KY: variants seen among roughly 807,000 people sequenced by gnomAD.
KY encodes kyphoscoliosis peptidase.
KY carries 43 observed loss-of-function variants against 76.1 expected under a neutral mutation model. The observed-to-expected ratio is 0.57, with a 90% CI of 0.44 to 0.73. The LOEUF is 0.73. Ranked by LOEUF, KY falls within the 30% of genes least tolerant of loss-of-function variation. The pLI is 0.00. For synonymous variants in KY, 277 were observed against 326.2 expected, an observed-to-expected ratio of 0.85 and a Z score of 1.63; for missense variants, 722 against 828.9, an observed-to-expected ratio of 0.87 and a Z score of 1.58.
At chr3:134,646,809 C>T (rs1160304961) in intron 2 of KY, among the ~76,000 whole-genome samples, 5 of 152,126 alleles carry the variant, frequency 3.3e-5, no homozygotes, top group Non-Finnish European at 7.3e-5. Flanking sequence ...CCTTCACGTG[C>T]CCACTGTGCA....
chr3:134,609,307 AT>A (rs893476106), intron 9 of KY, among the ~76,000 whole-genome samples: 1 of 151,948 alleles, frequency 6.6e-6, no homozygotes, highest in African/African-American at 2.4e-5. Context: ...GCCTCTCTGG[AT>A]GTCAGTAATG....
chr3:134,610,351 C>T lies in KY; in HGVS notation c.743G>A (p.Gly248Asp), dbSNP rs375909580. The change falls in exon 9 of 11, where the codon GGC becomes GAC. Residue 248 changes from glycine (G) to aspartate (D), a missense_variant. Transcript: ENST00000423778. ...CTGGTAGCCGAAACCCTTGGAGTAG[C>T]CAGGCACGGTCATACACTGCACTCC... ...LAGVQCMTVP[G>D]YSKGFGYQTG... is the part of the protein sequence containing the mutation. The T allele has an allele frequency of 6.8e-6, 11 of 1,613,502 alleles. No homozygotes were observed. In the African/African-American group the frequency reaches 1.5e-4, roughly 22 times the overall value.
rs184861296 is a variant in KY at position 134,607,626 on chromosome 3, G to A, written c.1090+1023C>T. The A allele has an allele frequency of 2.7e-5, 27 of 985,718 alleles. No homozygotes were observed. The East Asian group carries it at 2.8e-3, about 103-fold the overall frequency. 61.1% of individuals were successfully genotyped at this position (985,718 alleles called of 1,614,324 possible). A position where few individuals can be genotyped will look rare whatever the true frequency, so the allele number is the denominator to read the frequency against. Reference sequence around the variant, plus strand: ...GTGCCAAGGCCTTGGAGAGGCATAAGAGACAATCTTCCAGAGAAGGCCCTG... The same window carrying A: ...GTGCCAAGGCCTTGGAGAGGCATAAAAGACAATCTTCCAGAGAAGGCCCTG... On this transcript the variant is annotated intron_variant, in intron 10 of 10. Transcript: ENST00000423778.
rs962546335 is a variant in KY at position 134,618,797 on chromosome 3, T to A, written c.710+351A>T. On this transcript the variant is annotated intron_variant, in intron 8 of 10. Coordinates refer to ENST00000423778, the MANE Select transcript of KY (RefSeq NM_178554.6). ...CAGCCCTGAGGACAGCCTTTCACAGTCCCCTTGGCATCTGCAGTCACTGTC... is the reference window on the plus strand; with the variant it reads ...CAGCCCTGAGGACAGCCTTTCACAGACCCCTTGGCATCTGCAGTCACTGTC... 2.0e-5 allele frequency among the ~76,000 whole-genome samples: 3 copies of A among 152,266 alleles called. No homozygotes were observed. In the South Asian group the frequency reaches 6.2e-4, roughly 32 times the overall value.
chr3:134,611,897 G>C (rs959093650), intron 8 of KY, among the ~76,000 whole-genome samples: 3 of 152,198 alleles, frequency 2.0e-5, no homozygotes, highest in Non-Finnish European at 4.4e-5. Context: ...AAATGAACAT[G>C]TAATTTAAAA....
At chr3:134,638,841 T>C (rs1307477993) in intron 3 of KY, among the ~76,000 whole-genome samples, 1 of 152,236 alleles carries the variant, frequency 6.6e-6, no homozygotes, top group Non-Finnish European at 1.5e-5. Flanking sequence ...ACAGGTTTCA[T>C]GTTTTTCATT....
intron 10 of KY, chr3:134,608,213 T>C: frequency 8.4e-7 from 1 of 1,185,054 alleles, no homozygotes; most frequent in South Asian, 1.6e-5. Context: ...GGCCAGTAGC[T>C]TCTGTTGGGG....
chr3:134,630,070 G>T (rs1964016180), intron 3 of KY, among the ~76,000 whole-genome samples: 1 of 152,206 alleles, frequency 6.6e-6, no homozygotes, highest in South Asian at 2.1e-4. Context: ...TTCCCCTCTG[G>T]TATCATCTAG....
rs753230712 is a variant in KY, at chr3:134,650,836, T to A, written c.125A>T (p.Gln42Leu). 2 of 1,602,314 alleles carry A rather than the reference T, an allele frequency of 1.2e-6. No homozygotes were observed. The highest frequency in any genetic ancestry group is 2.2e-5 in the South Asian group (2 of 90,376). ...CGGGCGCGCGTTACCTCCTCCGCGCTGCAGCAGCGAGCTCGGGTTCGCCTG... is the reference window on the plus strand; with the variant it reads ...CGGGCGCGCGTTACCTCCTCCGCGCAGCAGCAGCGAGCTCGGGTTCGCCTG... ...DQQANPSSLL[Q>L]RGGGFQGVGN... is the part of the protein sequence containing the mutation. Residue 42 changes from glutamine to leucine, a missense_variant, in exon 1 of 11, where the codon CAG (glutamine) becomes CTG (leucine). Coordinates refer to ENST00000423778, the MANE Select transcript of KY (RefSeq NM_178554.6).
chr3:134,619,071 G>A (rs1962108105), intron 8 of KY, 77 bp downstream of exon 8: 6 of 1,237,070 alleles, frequency 4.9e-6, no homozygotes, highest in Non-Finnish European at 5.9e-6. Context: ...CTGGCATGTG[G>A]GCAAAGGCAC....
chr3:134,614,783 A>G (rs1961206601), intron 8 of KY, among the ~76,000 whole-genome samples: 1 of 152,298 alleles, frequency 6.6e-6, no homozygotes, highest in African/African-American at 2.4e-5. Flanking sequence ...TGATGCTCCT[A>G]CAGTCAGTAC....
At chr3:134,610,078 G>A in intron 9 of KY, 117 bp downstream of exon 9, 2 of 1,102,826 alleles carry the variant, frequency 1.8e-6, no homozygotes, top group Non-Finnish European at 2.6e-6. Context: ...TGGGCATGGG[G>A]CCTCCTGGCT....
At chr3:134,611,387 A>C in intron 8 of KY, among the ~76,000 whole-genome samples, 1 of 152,180 alleles carries the variant, frequency 6.6e-6, no homozygotes, top group East Asian at 1.9e-4. Context: ...GTGTCCTTTC[A>C]TGGCCAGCTG....
chr3:134,645,460 C>T (rs1238104040), intron 2 of KY, among the ~76,000 whole-genome samples: 1 of 152,154 alleles, frequency 6.6e-6, no homozygotes, highest in Non-Finnish European at 1.5e-5. Context: ...CAGGGCTGGG[C>T]GGCCTGCTGG....
chr3:134,615,855 TCTGACTGCACACA>T (rs1459095986), intron 8 of KY, among the ~76,000 whole-genome samples: 1 of 152,198 alleles, frequency 6.6e-6, no homozygotes, highest in Non-Finnish European at 1.5e-5. Context: ...GAAGCAGCCA[TCTGACTGCACACA>T]CTCCTGCCCC....
intron 3 of KY, among the ~76,000 whole-genome samples, chr3:134,639,068 G>C (rs1236460860): frequency 7.6e-6 from 1 of 132,132 alleles, no homozygotes; most frequent in Non-Finnish European, 1.6e-5. Context: ...TTCTACTTTG[G>C]AGTTTTTTTT....
chr3:134,625,300 G>A (rs1372455326), intron 5 of KY, among the ~76,000 whole-genome samples, 165 bp from the exon 6 acceptor site: 1 of 152,186 alleles, frequency 6.6e-6, no homozygotes, highest in African/African-American at 2.4e-5. Flanking sequence ...TTCCTAGAAG[G>A]GTCCCCTGAT....
chr3:134,633,363 C>T (rs147696416), intron 3 of KY, among the ~76,000 whole-genome samples: 167 of 152,120 alleles, frequency 1.1e-3, no homozygotes, highest in African/African-American at 3.9e-3. Context: ...CAAAATATTA[C>T]AACATTAAAT....
At chr3:134,619,331 C>G in intron 7 of KY, 66 bp from the exon 8 acceptor site, 1 of 1,222,582 alleles carries the variant, frequency 8.2e-7, no homozygotes, top group Non-Finnish European at 1.2e-6. Flanking sequence ...CCACCCCAAC[C>G]CCCAGCTGTG....
Sources: gnomAD v4.1 joint callset for allele counts (sites outside exome capture counted in the v4.1 genomes callset) on GRCh38, gnomAD v4.1.1 for gene constraint, MANE v1.5 for transcripts, NCBI Gene and HGNC (gene_info 2026-07-23, HGNC 2026-07-21) for gene names.